The following TENT5D variants were observed in gnomAD, a reference collection of about 807,000 sequenced individuals.
The protein encoded by TENT5D is cancer/testis antigen 112.
For missense variants in TENT5D, 191 were observed against 287.0 expected (o/e 0.67, Z 2.42); for synonymous variants, 103 against 100.6 (o/e 1.02, Z -0.15).
intron 1 of TENT5D, among the ~76,000 whole-genome samples, chrX:80,422,031 GT>G (rs1304976376): frequency 1.8e-5 from 2 of 111,273 alleles, no homozygotes; most frequent in Non-Finnish European, 3.8e-5. Context: ...AGGGAAAATA[GT>G]TTTTGGTATA....
chrX:80,397,802 G>A (rs1007471537), intron 3 of TENT5D, among the ~76,000 whole-genome samples: 10 of 112,277 alleles, frequency 8.9e-5, no homozygotes, highest in East Asian at 2.8e-4. Flanking sequence ...GGCGGCGCGC[G>A]CCTGCAATCG....
At chrX:80,417,440 GTT>G (rs57010295), upstream of TENT5D, among the ~76,000 whole-genome samples, 1,201 of 92,659 alleles carry the variant, frequency 0.013, 13 homozygotes, top group African/African-American at 0.02. Context: ...GCTGGTAATA[GTT>G]TTTTTTTTTT....
chrX:80,436,359 T>G (rs1932181464), intron 1 of TENT5D, among the ~76,000 whole-genome samples: 1 of 111,351 alleles, frequency 9.0e-6, no homozygotes, highest in African/African-American at 3.3e-5. Context: ...CAAGGCAAAG[T>G]ATATTAAAAG....
intron 3 of TENT5D, among the ~76,000 whole-genome samples, chrX:80,404,401 A>C (rs948978188): frequency 1.8e-5 from 2 of 111,823 alleles, no homozygotes; most frequent in African/African-American, 6.5e-5. Context: ...AATTTCCATA[A>C]ACCGGTTTGT....
rs770762065 is a variant in TENT5D at position 80,346,605 on chromosome X, T to A, written c.-142+4041T>A. On this transcript the variant is annotated intron_variant, in intron 3 of 4. Coordinates refer to the TENT5D transcript ENST00000538312. ...TAAAGGCTCATGATAGTGCGCAGCT[T>A]TAATGTGCTTGTCATATTTATATCA... Among the ~76,000 whole-genome samples, 5 of 112,031 alleles carry A rather than the reference T, an allele frequency of 4.5e-5. No individual in the cohort carries two copies. The East Asian group carries it at 1.4e-3, about 31-fold the overall frequency.
intron 3 of TENT5D, among the ~76,000 whole-genome samples, chrX:80,359,760 G>T (rs1024640464): frequency 1.8e-5 from 2 of 111,452 alleles, no homozygotes; most frequent in African/African-American, 3.3e-5. Flanking sequence ...CGTTCTGCAC[G>T]TGTATCCTAG....
chrX:80,379,365 G>T (rs1375348092), intron 3 of TENT5D, among the ~76,000 whole-genome samples: 2 of 109,874 alleles, frequency 1.8e-5, no homozygotes. Flanking sequence ...TTTTATTGAG[G>T]ATTTTCATAT....
intron 3 of TENT5D, among the ~76,000 whole-genome samples, chrX:80,349,211 T>C (rs1008686009): frequency 5.3e-4 from 59 of 112,239 alleles, no homozygotes; most frequent in African/African-American, 1.6e-3. Context: ...TTCTATTGTT[T>C]GGAATAGTTT....
chrX:80,387,341 C>T (rs1931036840), intron 3 of TENT5D, among the ~76,000 whole-genome samples: 2 of 111,765 alleles, frequency 1.8e-5, no homozygotes, highest in South Asian at 7.5e-4. Flanking sequence ...TTATTGTAGT[C>T]TTCATCGTGT....
chrX:80,397,265 G>T (rs1180673268), intron 3 of TENT5D, among the ~76,000 whole-genome samples: 1 of 108,375 alleles, frequency 9.2e-6, no homozygotes, highest in Non-Finnish European at 1.9e-5. Context: ...TCGCAGCTGG[G>T]CAGAGGCGCT....
intron 3 of TENT5D, among the ~76,000 whole-genome samples, chrX:80,362,230 C>T (rs5913256): frequency 0.013 from 1,414 of 110,675 alleles, 6 homozygotes; most frequent in Non-Finnish European, 0.02. Flanking sequence ...GTGGTGCCAT[C>T]TCAGCCCACT....
chrX:80,409,680 C>T (rs1378468851), intron 3 of TENT5D, among the ~76,000 whole-genome samples: 5 of 110,387 alleles, frequency 4.5e-5, no homozygotes, highest in Non-Finnish European at 9.5e-5. Flanking sequence ...CCCAAGGTAA[C>T]TTACAGATTC....
exon 3 of TENT5D, chrX:80,445,140 C>T (rs1183321775): frequency 8.2e-6 from 1 of 122,669 alleles, no homozygotes; most frequent in Non-Finnish European, 1.9e-5. Context: ...CCAAATACGG[C>T]ATTTTCAAAT....
chrX:80,363,235 ATAT>A (rs1930444580), intron 3 of TENT5D, among the ~76,000 whole-genome samples: 1 of 112,019 alleles, frequency 8.9e-6, no homozygotes, highest in Non-Finnish European at 1.9e-5. Context: ...ACATTTTGAT[ATAT>A]TATTATTGAA....
intron 3 of TENT5D, among the ~76,000 whole-genome samples, chrX:80,352,360 C>T (rs745931771): frequency 4.5e-5 from 5 of 111,659 alleles, no homozygotes; most frequent in African/African-American, 1.6e-4. Flanking sequence ...GATGCCCTGC[C>T]CAGTGAAGAG....
chrX:80,369,694 T>C (rs1930583730), intron 3 of TENT5D, among the ~76,000 whole-genome samples: 1 of 111,775 alleles, frequency 8.9e-6, no homozygotes, highest in South Asian at 3.7e-4. Flanking sequence ...TACTTATAGG[T>C]TCCCCATCTA....
chrX:80,363,757 G>C (rs773051681), intron 3 of TENT5D, among the ~76,000 whole-genome samples: 1 of 111,456 alleles, frequency 9.0e-6, no homozygotes, highest in Non-Finnish European at 1.9e-5. Context: ...CATTTGTCCT[G>C]GTTCCTCTTC....
chrX:80,382,293 G>A (rs1271647517), intron 3 of TENT5D, among the ~76,000 whole-genome samples: 1 of 112,009 alleles, frequency 8.9e-6, no homozygotes, highest in Non-Finnish European at 1.9e-5. Context: ...AGAGGCTGCA[G>A]AATAGCAAAT....
At chrX:80,404,460 C>T (rs1195380033) in intron 3 of TENT5D, among the ~76,000 whole-genome samples, 3 of 111,308 alleles carry the variant, frequency 2.7e-5, no homozygotes, top group Non-Finnish European at 3.8e-5. Context: ...CCGAGAAAAC[C>T]TTGTTTATCT....
Sources: gnomAD v4.1 joint callset for allele counts (sites outside exome capture counted in the v4.1 genomes callset) on GRCh38, gnomAD v4.1.1 for gene constraint, MANE v1.5 for transcripts, NCBI Gene and HGNC (gene_info 2026-07-23, HGNC 2026-07-21) for gene names.